The following GRIK2 variants were observed in gnomAD, a reference collection of about 807,000 sequenced individuals.
The protein encoded by GRIK2 is glutamate receptor ionotropic, kainate 2.
A neutral mutation model predicts 100.3 loss-of-function variants in GRIK2; 32 were observed. That is an observed-to-expected ratio of 0.32 (90% CI 0.24 to 0.43). The LOEUF (loss-of-function observed/expected upper bound fraction) is 0.43. Ranked by LOEUF, GRIK2 falls within the 20% of genes least tolerant of loss-of-function variation. GRIK2 has a pLI of 1.00. For missense variants in GRIK2, 843 were observed against 1,114.9 expected, an observed-to-expected ratio of 0.76 and a Z score of 3.47; for synonymous variants, 417 against 389.4, an observed-to-expected ratio of 1.07 and a Z score of -0.83.
chr6:101,621,030 A>G (rs1405210245), intron 2 of GRIK2, among the ~76,000 whole-genome samples: 1 of 152,202 alleles, frequency 6.6e-6, no homozygotes, highest in Non-Finnish European at 1.5e-5. Flanking sequence ...AAGGAGTTGC[A>G]TTGTTTTGGA....
intron 7 of GRIK2, among the ~76,000 whole-genome samples, chr6:101,791,755 G>A (rs1779877763): frequency 6.6e-6 from 1 of 151,790 alleles, no homozygotes. Context: ...CAATTCCTGG[G>A]TATCCTTGTT....
chr6:101,431,213 C>A, intron 2 of GRIK2: 1 of 188,762 alleles, frequency 5.3e-6, no homozygotes. Context: ...AGATCTTCTC[C>A]ATGTTGTACC....
At chr6:101,794,210 G>A (rs1003659628) in intron 7 of GRIK2, among the ~76,000 whole-genome samples, 2 of 152,068 alleles carry the variant, frequency 1.3e-5, no homozygotes, top group Admixed American at 6.5e-5. Context: ...ACAGTGCACT[G>A]CACTGCTGTT....
rs573491623 is a variant in GRIK2 at position 101,961,800 on chromosome 6, C to G, written c.2085+33168C>G. 1.2e-4 allele frequency among the ~76,000 whole-genome samples: 18 copies of G among 152,188 alleles called. No individual in the cohort carries two copies. The South Asian group carries it at 3.7e-3, about 32-fold the overall frequency. On this transcript the variant is annotated intron_variant, in intron 14 of 16. Transcript: ENST00000369134. ...ACAGCTCCCCTTTATCCTGCTGGTCCTTTCTGGTTGCTGCTGTCCAAGTAG... is the reference window on the plus strand; with the variant it reads ...ACAGCTCCCCTTTATCCTGCTGGTCGTTTCTGGTTGCTGCTGTCCAAGTAG...
chr6:101,652,979 G>A (rs1478740394), intron 4 of GRIK2, among the ~76,000 whole-genome samples: 2 of 152,108 alleles, frequency 1.3e-5, no homozygotes, highest in Non-Finnish European at 2.9e-5. Context: ...CAGATGTGGG[G>A]AGTGCATTGT....
chr6:101,941,075 C>T (rs1790924300), intron 14 of GRIK2, among the ~76,000 whole-genome samples: 1 of 151,986 alleles, frequency 6.6e-6, no homozygotes, highest in South Asian at 2.1e-4. Context: ...CTTCTATGTA[C>T]TACTGTAACA....
intron 2 of GRIK2, among the ~76,000 whole-genome samples, chr6:101,416,364 C>A (rs1399914912): frequency 6.6e-6 from 1 of 152,200 alleles, no homozygotes; most frequent in Non-Finnish European, 1.5e-5. Context: ...TGTGGCCTGC[C>A]TCTCCCTGCT....
At chr6:101,833,655 T>C (rs1265530879) in intron 10 of GRIK2, among the ~76,000 whole-genome samples, 1 of 152,094 alleles carries the variant, frequency 6.6e-6, no homozygotes, top group Non-Finnish European at 1.5e-5. Context: ...ACAGAGATTG[T>C]CATTAACTTT....
At chr6:101,932,228 A>G (rs1406783231) in intron 14 of GRIK2, among the ~76,000 whole-genome samples, 1 of 152,034 alleles carries the variant, frequency 6.6e-6, no homozygotes, top group African/African-American at 2.4e-5. Flanking sequence ...TGACTTTATT[A>G]TGTGCACTAA....
chr6:101,817,499 G>A (rs1781703583), intron 9 of GRIK2, among the ~76,000 whole-genome samples: 1 of 152,144 alleles, frequency 6.6e-6, no homozygotes, highest in Non-Finnish European at 1.5e-5. Context: ...AAAAAGAACT[G>A]ATTTCACATC....
intron 2 of GRIK2, among the ~76,000 whole-genome samples, chr6:101,449,994 T>C (rs746077076): frequency 1.3e-5 from 2 of 151,744 alleles, no homozygotes; most frequent in Non-Finnish European, 3.0e-5. Context: ...GTTCACTCTT[T>C]GTTCATTTTT....
At chr6:101,520,743 A>G (rs972633964) in intron 2 of GRIK2, among the ~76,000 whole-genome samples, 5 of 152,242 alleles carry the variant, frequency 3.3e-5, no homozygotes, top group African/African-American at 1.2e-4. Flanking sequence ...AGTAGAACAT[A>G]ACACAACCTC....
intron 7 of GRIK2, among the ~76,000 whole-genome samples, chr6:101,790,946 A>G (rs372250344): frequency 1.1e-4 from 17 of 149,634 alleles, no homozygotes; most frequent in African/African-American, 3.4e-4. Context: ...GAGGGTGTAT[A>G]TGTCGAGGAA....
intron 2 of GRIK2, among the ~76,000 whole-genome samples, chr6:101,432,956 G>C (rs777533594): frequency 6.6e-6 from 1 of 152,104 alleles, no homozygotes; most frequent in Non-Finnish European, 1.5e-5. Context: ...ATTTCAAGGA[G>C]GAGGAGGAAG....
In GRIK2 at chr6:101,984,734, GT is replaced by G. The variant is rs1793923677; in HGVS notation, c.2086-50605del. On this transcript the variant is annotated intron_variant, in intron 14 of 16. Coordinates refer to ENST00000369134, the MANE Select transcript of GRIK2 (RefSeq NM_021956.5). ...CTATTTCAGAATCAATCTAAAGAGA[GT>G]TATGCAAGTAAAAATGGTCTTTTCA... Among the ~76,000 whole-genome samples, 4 of 151,366 alleles carry G rather than the reference GT, an allele frequency of 2.6e-5. No homozygotes were observed. The South Asian group carries it at 8.3e-4, about 31-fold the overall frequency.
intron 14 of GRIK2, among the ~76,000 whole-genome samples, chr6:101,995,381 G>A (rs371057893): frequency 2.8e-4 from 42 of 152,024 alleles, no homozygotes; most frequent in African/African-American, 9.4e-4. Flanking sequence ...AAAATTGGTG[G>A]TATGACAACT....
At chr6:101,926,989 C>G (rs1405360388) in intron 13 of GRIK2, among the ~76,000 whole-genome samples, 2 of 152,170 alleles carry the variant, frequency 1.3e-5, no homozygotes, top group Non-Finnish European at 2.9e-5. Context: ...TGCTGCTCAT[C>G]ATCTTGGGAG....
At chr6:102,055,072 A>G (rs1333372662) in intron 15 of GRIK2, among the ~76,000 whole-genome samples, 1 of 152,284 alleles carries the variant, frequency 6.6e-6, no homozygotes, top group East Asian at 1.9e-4. Context: ...ACAATGCTGT[A>G]AGCTGAGTCC....
intron 14 of GRIK2, among the ~76,000 whole-genome samples, chr6:101,970,388 G>A (rs943543790): frequency 6.6e-6 from 1 of 152,030 alleles, no homozygotes; most frequent in Non-Finnish European, 1.5e-5. Context: ...TGAAGTAGCA[G>A]TATACAGCAG....
Sources: allele counts gnomAD v4.1 joint callset (sites outside exome capture counted in the v4.1 genomes callset), GRCh38; gene constraint gnomAD v4.1.1; transcripts MANE v1.5; gene names NCBI Gene and HGNC (gene_info 2026-07-23, HGNC 2026-07-21).